Variants in HELLS observed in about 807,000 individuals in gnomAD.
HELLS encodes lymphoid-specific helicase.
In HELLS, 32 loss-of-function variants were observed where a neutral mutation model predicts 120.0. The observed-to-expected ratio is 0.27, with a 90% CI of 0.20 to 0.36. HELLS has a LOEUF of 0.36. Among genes scored for constraint, HELLS ranks in the 10% least tolerant of loss-of-function variants. The pLI is 1.00. For synonymous variants in HELLS, 341 were observed against 323.4 expected (o/e 1.05, Z -0.58); for missense variants, 650 against 993.4 (o/e 0.65, Z 4.65).
chr10:94,584,028 A>G (rs2134086552), intron 12 of HELLS: 1 of 860,364 alleles, frequency 1.2e-6, no homozygotes, highest in Non-Finnish European at 1.8e-6. Flanking sequence ...TTTACAGATG[A>G]GGGCTTCTTT....
At chr10:94,603,186 A>G (rs1036696488), downstream of HELLS, among the ~76,000 whole-genome samples, 1 of 152,208 alleles carries the variant, frequency 6.6e-6, no homozygotes, top group Admixed American at 6.5e-5. Flanking sequence ...AAGCTCCTTG[A>G]AAAAGAGTTC....
chr10:94,557,284 T>G, intron 3 of HELLS: 1 of 274,340 alleles, frequency 3.6e-6, no homozygotes, highest in South Asian at 3.1e-5. Flanking sequence ...TTGCTGTATT[T>G]GTCAAATCTC....
exon 10 of HELLS, chr10:94,610,174 A>C (rs1348501801): frequency 6.6e-6 from 1 of 152,158 alleles, no homozygotes; most frequent in Non-Finnish European, 1.5e-5. Flanking sequence ...CATAATTTCC[A>C]TGAGATTGAG....
chr10:94,567,499 T>C (rs1843877703), intron 6 of HELLS, among the ~76,000 whole-genome samples: 1 of 152,150 alleles, frequency 6.6e-6, no homozygotes, highest in Admixed American at 6.5e-5. Flanking sequence ...GGTTTCTCCA[T>C]GTTGGTCAGG....
At chr10:94,590,080 T>C (rs978526160) in intron 13 of HELLS, among the ~76,000 whole-genome samples, 1 of 152,198 alleles carries the variant, frequency 6.6e-6, no homozygotes, top group African/African-American at 2.4e-5. Flanking sequence ...AATTTCATAA[T>C]GAGCAGTTTC....
intron 6 of HELLS, among the ~76,000 whole-genome samples, chr10:94,564,356 G>C (rs1199228257): frequency 6.6e-6 from 1 of 152,166 alleles, no homozygotes; most frequent in Non-Finnish European, 1.5e-5. Context: ...GATGGTACCA[G>C]CTCTTTGTTA....
chr10:94,559,550 A>G (rs1234578560), intron 4 of HELLS, among the ~76,000 whole-genome samples: 1 of 151,846 alleles, frequency 6.6e-6, no homozygotes, highest in Non-Finnish European at 1.5e-5. Context: ...GGTTCAAGCA[A>G]TTCTTCTGCC....
chr10:94,568,967 G>A (rs543753861), intron 6 of HELLS, among the ~76,000 whole-genome samples: 23 of 150,752 alleles, frequency 1.5e-4, no homozygotes, highest in Non-Finnish European at 3.1e-4. Flanking sequence ...TCATCCTCCC[G>A]AGTAGCTGGG....
intron 6 of HELLS, chr10:94,569,937 A>G (rs1445463892): frequency 1.3e-5 from 2 of 152,078 alleles, no homozygotes; most frequent in African/African-American, 2.4e-5. Flanking sequence ...GACTTTACTG[A>G]TTGTATCCCC....
intron 10 of HELLS, among the ~76,000 whole-genome samples, chr10:94,580,143 A>G (rs1564602451): frequency 0.042 from 3,327 of 79,290 alleles, 181 homozygotes; most frequent in South Asian, 0.06. Context: ...ATATATATAT[A>G]TATATATATA....
chr10:94,553,729 G>A (rs1169809249), intron 2 of HELLS, among the ~76,000 whole-genome samples: 1 of 151,640 alleles, frequency 6.6e-6, no homozygotes, highest in African/African-American at 2.4e-5. Context: ...TGTATTTTTA[G>A]TAGAGATGGG....
chr10:94,559,971 G>A (rs549085509), intron 4 of HELLS, among the ~76,000 whole-genome samples: 5 of 152,258 alleles, frequency 3.3e-5, no homozygotes, highest in South Asian at 2.1e-4. Context: ...TGAAAATTAC[G>A]GATTTGAACC....
At chr10:94,583,525 T>C (rs936284526) in intron 12 of HELLS, among the ~76,000 whole-genome samples, 8 of 152,148 alleles carry the variant, frequency 5.3e-5, no homozygotes, top group African/African-American at 1.9e-4. Flanking sequence ...TTAGCAATTT[T>C]ATTCAAAGTC....
At chr10:94,547,585 C>T (rs1842799365) in intron 2 of HELLS, among the ~76,000 whole-genome samples, 1 of 152,174 alleles carries the variant, frequency 6.6e-6, no homozygotes, top group African/African-American at 2.4e-5. Context: ...TGTATTTACT[C>T]ATTGAATCCT....
intron 9 of HELLS, among the ~76,000 whole-genome samples, chr10:94,576,136 C>A (rs1844467663): frequency 6.6e-6 from 1 of 151,078 alleles, no homozygotes; most frequent in African/African-American, 2.4e-5. Context: ...TGTCTTCAGA[C>A]AGGATGTTGC....
At chr10:94,605,391 C>A (rs368269015), downstream of HELLS, among the ~76,000 whole-genome samples, 2 of 151,996 alleles carry the variant, frequency 1.3e-5, no homozygotes, top group African/African-American at 4.8e-5. Context: ...CTGGATCTAA[C>A]TTTTTTTCCT....
At chr10:94,568,576 C>T (rs1335844194) in intron 6 of HELLS, among the ~76,000 whole-genome samples, 1 of 152,124 alleles carries the variant, frequency 6.6e-6, no homozygotes, top group East Asian at 1.9e-4. Context: ...CCTAGTCTAG[C>T]TCTCATTGTC....
At position 94,546,366 on chromosome 10, in the gene HELLS, TC is replaced by T; in HGVS notation, c.32-6del. The T allele has an allele frequency of 6.2e-7, 1 of 1,613,876 alleles. No homozygotes were observed. The highest frequency in any genetic ancestry group is 8.5e-7 in the Non-Finnish European group (1 of 1,179,976). ...TTAAAACTGCAATTTGAAAGCTTTC[TC>T]CCCCGTCAGGCTCGGAGGCTCCAGC... On this transcript the variant is annotated splice_polypyrimidine_tract_variant and intron_variant, in intron 1 of 21. Coordinates refer to ENST00000348459, the MANE Select transcript of HELLS (RefSeq NM_018063.5).
At chr10:94,574,530 T>C (rs771128358) in intron 8 of HELLS, 24 bp from the exon 9 acceptor site, 1 of 1,554,478 alleles carries the variant, frequency 6.4e-7, no homozygotes, top group East Asian at 2.2e-5. Context: ...CAAGTTTAAA[T>C]ACAGTATCTA....
Sources: allele counts gnomAD v4.1 joint callset (sites outside exome capture counted in the v4.1 genomes callset), GRCh38; gene constraint gnomAD v4.1.1; transcripts MANE v1.5; gene names NCBI Gene and HGNC (gene_info 2026-07-23, HGNC 2026-07-21).